Variants in CACNB1 observed in about 807,000 individuals in gnomAD.
CACNB1 encodes calcium voltage-gated channel auxiliary subunit beta 1.
A neutral mutation model predicts 71.6 loss-of-function variants in CACNB1; 29 were observed. The ratio of observed to expected loss-of-function variants is 0.40; its 90% CI spans 0.30 to 0.55. CACNB1 has a LOEUF of 0.55. Among genes scored for constraint, CACNB1 ranks in the 20% least tolerant of loss-of-function variants. The pLI, the probability that CACNB1 is intolerant of heterozygous loss-of-function variation, is 0.38. For missense variants in CACNB1, 623 were observed against 801.8 expected, an observed-to-expected ratio of 0.78 and a Z score of 2.69; for synonymous variants, 300 against 319.6, an observed-to-expected ratio of 0.94 and a Z score of 0.65.
At chr17:39,183,179 A>T (rs1161650812) in intron 11 of CACNB1, among the ~76,000 whole-genome samples, 1 of 152,130 alleles carries the variant, frequency 6.6e-6, no homozygotes, top group East Asian at 1.9e-4. Flanking sequence ...AAAAAATAAA[A>T]ATATTAGCCA....
chr17:39,197,363 G>A (rs1462466479), intron 1 of CACNB1, 49 bp downstream of exon 1: 12 of 1,292,342 alleles, frequency 9.3e-6, no homozygotes, highest in Admixed American at 7.6e-5. Flanking sequence ...ACCTTAACAC[G>A]GTCCGCGGGA....
In CACNB1 at chr17:39,177,409, T is replaced by G. The variant is rs754378150; in HGVS notation, c.1273A>C (p.Asn425His). The change falls in exon 13 of 14, where the codon AAC becomes CAC. Residue 425 changes from asparagine (N) to histidine (H), a missense_variant. Transcript: ENST00000394303. ...AGGGCTGCGGTAGCCATGGTGCGGT[T>G]CAGCAGCGGATTGGGTGGCGTGCTG... ...PSSTPPNPLL[N>H]RTMATAALAA... The G allele has an allele frequency of 6.8e-6, 11 of 1,613,536 alleles. No individual in the cohort carries two copies. The African/African-American group carries it at 1.5e-4, about 22-fold the overall frequency.
chr17:39,193,215 G>C (rs1235092121), intron 2 of CACNB1: 2 of 285,302 alleles, frequency 7.0e-6, no homozygotes, highest in Non-Finnish European at 1.4e-5. Context: ...TGTGCGGGCA[G>C]ACACACACAC....
Position 39,173,556 on chromosome 17 carries a change from G to A in CACNB1, c.*1637C>T, listed in dbSNP as rs2045510941. On this transcript the variant is annotated 3_prime_UTR_variant, in exon 14 of 14. Transcript: ENST00000394303. ...CATTGCCTTTGGCTCTACTTGTGGA[G>A]AGACAGGTAAGTGAAGGGGCTCAGG... 1 of 151,658 alleles carries A rather than the reference G, an allele frequency of 6.6e-6. No homozygotes were observed. Among genetic ancestry groups the A allele is most frequent in the Non-Finnish European group, 1.5e-5 (1 of 67,902 alleles). 9.4% of individuals were successfully genotyped at this position (151,658 alleles called of 1,614,324 possible).
At position 39,191,510 on chromosome 17, in the gene CACNB1, T is replaced by C. The variant is rs1204251713; in HGVS notation, c.255A>G (p.Ala85=). 13 of 1,609,138 alleles carry C rather than the reference T, an allele frequency of 8.1e-6. No homozygotes were observed. The highest frequency in any genetic ancestry group is 1.1e-5 in the Non-Finnish European group (13 of 1,178,642). Residue 85 remains alanine, a synonymous_variant, in exon 3 of 14, where the codon GCA becomes GCG. Coordinates refer to ENST00000394303, the MANE Select transcript of CACNB1 (RefSeq NM_000723.5). ...EEDREALRKE[A]ERQALAQLEK... ...CGAGCTGCGCTAATGCCTGGCGCTC[T>C]GCTTCCTTCCTTAAGGCTTCCCGGT...
At chr17:39,183,045 G>A (rs1432943090) in intron 11 of CACNB1, 1 of 678,174 alleles carries the variant, frequency 1.5e-6, no homozygotes, top group Admixed American at 6.3e-5. Flanking sequence ...GCAATACAAG[G>A]AAAAAGTAAG....
intron 3 of CACNB1, among the ~76,000 whole-genome samples, chr17:39,190,698 G>C (rs915273794): frequency 6.6e-6 from 1 of 151,574 alleles, no homozygotes; most frequent in Non-Finnish European, 1.5e-5. Flanking sequence ...AAAGTGCTGG[G>C]ATTACAGGCG....
chr17:39,177,864 C>G (rs1475116556), intron 12 of CACNB1, 120 bp downstream of exon 12: 6 of 807,538 alleles, frequency 7.4e-6, no homozygotes, highest in Non-Finnish European at 1.3e-5. Flanking sequence ...GAAGACCAGT[C>G]TGCACCCACA....
At chr17:39,183,297 A>C (rs1359550804) in intron 11 of CACNB1, among the ~76,000 whole-genome samples, 1 of 152,004 alleles carries the variant, frequency 6.6e-6, no homozygotes, top group Non-Finnish European at 1.5e-5. Flanking sequence ...GCATCACTGC[A>C]TTCCAGCCTG....
intron 4 of CACNB1, chr17:39,187,159 A>G (rs2045961026): frequency 5.0e-6 from 3 of 603,980 alleles, no homozygotes; most frequent in East Asian, 5.6e-5. Context: ...GCCCAATGCA[A>G]TTCTGAGAGT....
chr17:39,191,749 G>C (rs2046086357), intron 2 of CACNB1, 156 bp from the exon 3 acceptor site: 4 of 675,434 alleles, frequency 5.9e-6, no homozygotes, highest in South Asian at 2.0e-5. Flanking sequence ...TAGGTGGAAG[G>C]GACCAGGAGC....
rs918950215 is a variant in CACNB1, at chr17:39,177,108, C to T, written c.1332+242G>A. The T allele has an allele frequency of 3.8e-5, 54 of 1,425,426 alleles. No individual in the cohort carries two copies. In the African/African-American group the frequency reaches 7.3e-4, roughly 19 times the overall value. 88.3% of individuals were successfully genotyped at this position (1,425,426 alleles called of 1,614,324 possible). On this transcript the variant is annotated intron_variant, in intron 13 of 13. Coordinates refer to ENST00000394303, the MANE Select transcript of CACNB1 (RefSeq NM_000723.5). ...GGAAGACAGCACCAGAAGCCCCAGA[C>T]CCATCAAAAACCACAGACACCAGAA...
chr17:39,187,705 T>C (rs2045975341), intron 3 of CACNB1, 104 bp from the exon 4 acceptor site: 1 of 1,332,954 alleles, frequency 7.5e-7, no homozygotes, highest in Non-Finnish European at 1.1e-6. Flanking sequence ...TACTTTATAA[T>C]AGTTCCTTGA....
At position 39,193,159 on chromosome 17, in the gene CACNB1, C is replaced by T. The variant is rs1416441208; in HGVS notation, c.172-1566G>A. The T allele has an allele frequency of 6.3e-5, 17 of 270,916 alleles. No individual in the cohort carries two copies. The Admixed American group carries it at 8.4e-4, about 13-fold the overall frequency. The allele number at this position is 270,916 out of a possible 1,614,324, so 16.8% of individuals were successfully genotyped here. Reference sequence around the variant, plus strand: ...GCAGGCACGCGCACGTGTACACATACACACACAGTTACATGCACACACACA... The same window carrying T: ...GCAGGCACGCGCACGTGTACACATATACACACAGTTACATGCACACACACA... On this transcript the variant is annotated intron_variant, in intron 2 of 13. Transcript: ENST00000394303.
At chr17:39,191,275 C>T (rs967096636) in intron 3 of CACNB1, among the ~76,000 whole-genome samples, 199 bp downstream of exon 3, 1 of 151,504 alleles carries the variant, frequency 6.6e-6, no homozygotes, top group Non-Finnish European at 1.5e-5. Context: ...TAATAACACG[C>T]ACTTATTATA....
chr17:39,178,622 A>G (rs905764026), intron 11 of CACNB1, among the ~76,000 whole-genome samples: 2 of 151,838 alleles, frequency 1.3e-5, no homozygotes, highest in African/African-American at 4.8e-5. Flanking sequence ...GCCTCAAGTG[A>G]TCCACTTGCC....
At chr17:39,184,702 C>G in intron 8 of CACNB1, 82 bp downstream of exon 8, 1 of 1,001,228 alleles carries the variant, frequency 1.0e-6, no homozygotes, top group Non-Finnish European at 1.6e-6. Context: ...GCCTTGGGAT[C>G]GGGCCCTTCT....
rs1307872841 is a variant in CACNB1 at position 39,175,998 on chromosome 17, C to T, written c.1333-341G>A. On this transcript the variant is annotated intron_variant, in intron 13 of 13. Transcript: ENST00000394303. This position sits in a 1 kb window ranked among gnomAD's most constrained non-coding sequence, Gnocchi z 4.7. ...TCTTGGGGCTAACTGTCATTAACAG[C>T]TCAGTATTGCCACTCATTAGCGGTT... 6.6e-6 allele frequency among the ~76,000 whole-genome samples: 1 copy of T among 152,218 alleles called. No homozygotes were observed. The highest frequency in any genetic ancestry group is 2.4e-5 in the African/African-American group (1 of 41,454).
At chr17:39,182,338 G>A (rs1182508211) in intron 11 of CACNB1, among the ~76,000 whole-genome samples, 1 of 143,892 alleles carries the variant, frequency 6.9e-6, no homozygotes, top group African/African-American at 2.7e-5. Flanking sequence ...AAAAAAAAAG[G>A]TTAAGTAACT....
Sources: gnomAD v4.1 joint callset for allele counts (sites outside exome capture counted in the v4.1 genomes callset) on GRCh38, gnomAD v4.1.1 for gene constraint, Gnocchi (gnomAD v3.1) non-coding constraint, MANE v1.5 for transcripts, NCBI Gene and HGNC (gene_info 2026-07-23, HGNC 2026-07-21) for gene names.